Variants in KLHL2 observed in about 807,000 individuals in gnomAD.
KLHL2 encodes kelch-like protein 2.
KLHL2 carries 15 observed loss-of-function variants against 75.8 expected under a neutral mutation model. The observed-to-expected ratio is 0.20, with a 90% CI of 0.13 to 0.30. The LOEUF (loss-of-function observed/expected upper bound fraction) is 0.30. KLHL2 is among the 10% of genes least tolerant of loss of function. The pLI is 1.00. For synonymous variants in KLHL2, 214 were observed against 251.9 expected (o/e 0.85, Z 1.42); for missense variants, 381 against 741.0 (o/e 0.51, Z 5.64).
intron 4 of KLHL2, among the ~76,000 whole-genome samples, chr4:165,261,851 A>G (rs956739557): frequency 2.0e-5 from 3 of 152,084 alleles, no homozygotes; most frequent in African/African-American, 7.2e-5. Context: ...ATAAACCACT[A>G]TTATTTTTCT....
At chr4:165,209,924 C>T (rs918316970) in intron 1 of KLHL2, 4 of 1,162,988 alleles carry the variant, frequency 3.4e-6, no homozygotes, top group Admixed American at 5.9e-5. Context: ...GGCCTGTTTG[C>T]CTCCACTCCC....
intron 10 of KLHL2, 90 bp from the exon 11 acceptor site, chr4:165,311,374 C>T: frequency 1.2e-6 from 1 of 836,300 alleles, no homozygotes; most frequent in Non-Finnish European, 1.9e-6. Flanking sequence ...AATTTTAGCC[C>T]AGTATAACAT....
chr4:165,290,838 G>A (rs527243118), intron 5 of KLHL2, among the ~76,000 whole-genome samples: 1 of 152,090 alleles, frequency 6.6e-6, no homozygotes, highest in Non-Finnish European at 1.5e-5. Flanking sequence ...GAGGTGGCAG[G>A]TGCCTGTAAT....
At chr4:165,254,155 G>T (rs1249926853) in intron 4 of KLHL2, among the ~76,000 whole-genome samples, 2 of 152,242 alleles carry the variant, frequency 1.3e-5, no homozygotes, top group Non-Finnish European at 2.9e-5. Flanking sequence ...GATCAGAGGA[G>T]CTTGTTGTCC....
At chr4:165,226,121 A>T (rs1738411491) in intron 2 of KLHL2, among the ~76,000 whole-genome samples, 1 of 152,196 alleles carries the variant, frequency 6.6e-6, no homozygotes, top group Admixed American at 6.5e-5. Context: ...TGACAAAAGG[A>T]AAATAGGCAT....
chr4:165,276,247 A>G (rs1422341347), intron 5 of KLHL2, among the ~76,000 whole-genome samples: 3 of 152,150 alleles, frequency 2.0e-5, no homozygotes, highest in Admixed American at 6.5e-5. Context: ...GGTAGTAACT[A>G]CTTTACCCAG....
chr4:165,294,605 A>G (rs1289727692), intron 6 of KLHL2, 137 bp downstream of exon 6: 2 of 489,946 alleles, frequency 4.1e-6, no homozygotes, highest in Non-Finnish European at 7.3e-6. Flanking sequence ...TAAGAAACTC[A>G]GCTAGTTACT....
At chr4:165,216,813 C>T (rs763458823) in intron 1 of KLHL2, among the ~76,000 whole-genome samples, 9 of 152,100 alleles carry the variant, frequency 5.9e-5, no homozygotes, top group African/African-American at 1.9e-4. Context: ...AAGTGACTCT[C>T]GGTACAGAGA....
intron 5 of KLHL2, among the ~76,000 whole-genome samples, chr4:165,292,165 T>C (rs1369309313): frequency 6.6e-6 from 1 of 152,238 alleles, no homozygotes; most frequent in Non-Finnish European, 1.5e-5. Flanking sequence ...GATCCAACTG[T>C]ATTTGTCATT....
intron 1 of KLHL2, among the ~76,000 whole-genome samples, chr4:165,218,195 C>G (rs1241076148): frequency 6.6e-6 from 1 of 152,122 alleles, no homozygotes; most frequent in East Asian, 1.9e-4. Flanking sequence ...CAACCAGCAG[C>G]CAAAGTGGTC....
chr4:165,309,883 A>T (rs1354014388), intron 9 of KLHL2, among the ~76,000 whole-genome samples: 1 of 152,196 alleles, frequency 6.6e-6, no homozygotes, highest in Non-Finnish European at 1.5e-5. Flanking sequence ...TTTCATTCTA[A>T]GAATATCCAC....
At chr4:165,261,943 T>C (rs1159670011) in intron 4 of KLHL2, among the ~76,000 whole-genome samples, 1 of 152,212 alleles carries the variant, frequency 6.6e-6, no homozygotes, top group African/African-American at 2.4e-5. Flanking sequence ...TGTAGTCTTT[T>C]CTAAAATTTA....
At chr4:165,311,809 C>CTGTGTGTGTGTGTGTGTG (rs60870309) in intron 11 of KLHL2, among the ~76,000 whole-genome samples, 2 of 144,790 alleles carry the variant, frequency 1.4e-5, no homozygotes, top group Non-Finnish European at 1.5e-5. Flanking sequence ...TCCTTTCTCT[C>CTGTGTGTGTGTGTGTGTG]TGTGTGTGTG....
chr4:165,307,326 CAAAA>C (rs1193079402), intron 9 of KLHL2, among the ~76,000 whole-genome samples: 1 of 151,478 alleles, frequency 6.6e-6, no homozygotes, highest in Non-Finnish European at 1.5e-5. Context: ...AACAAACAAA[CAAAA>C]AAACAAAAAA....
At chr4:165,289,877 G>A (rs1013689512) in intron 5 of KLHL2, among the ~76,000 whole-genome samples, 2 of 152,118 alleles carry the variant, frequency 1.3e-5, no homozygotes, top group Admixed American at 1.3e-4. Flanking sequence ...CTCATGAAAA[G>A]CATAAGGCGG....
chr4:165,251,776 A>T (rs1050747202), intron 4 of KLHL2, among the ~76,000 whole-genome samples: 2 of 151,172 alleles, frequency 1.3e-5, no homozygotes, highest in African/African-American at 2.4e-5. Context: ...CGCCCGGCTA[A>T]TTTTTTGTAT....
At chr4:165,210,828 A>T (rs1455270170) in intron 1 of KLHL2, among the ~76,000 whole-genome samples, 1 of 152,210 alleles carries the variant, frequency 6.6e-6, no homozygotes, top group East Asian at 1.9e-4. Context: ...TTGAAGGAAG[A>T]CTGTGAGGTA....
rs866881412 is a variant in KLHL2, at chr4:165,264,605, T to C, written c.544+1246T>C. Among the ~76,000 whole-genome samples the C allele has an allele frequency of 3.3e-3, 404 of 124,076 alleles. 1 individual carries two copies. The highest frequency in any genetic ancestry group is 5.2e-3 in the East Asian group (24 of 4,656). 81.4% of individuals were successfully genotyped at this position (124,076 alleles called of 152,430 possible). A position where few individuals can be genotyped will look rare whatever the true frequency, so the allele number is the denominator to read the frequency against. On this transcript the variant is annotated intron_variant, in intron 5 of 14. Coordinates refer to ENST00000226725, the MANE Select transcript of KLHL2 (RefSeq NM_007246.4). The stretch of plus-strand genomic sequence containing the variant: ...TCCATCATATATATATATATATATA[T>C]ACACACACACACGTACGTATATACA...
chr4:165,259,792 A>C (rs1741495092), intron 4 of KLHL2, among the ~76,000 whole-genome samples: 2 of 152,246 alleles, frequency 1.3e-5, no homozygotes, highest in Non-Finnish European at 1.5e-5. Flanking sequence ...GTATTAGAAC[A>C]GTAGACCAAA....
Sources: allele counts gnomAD v4.1 joint callset (sites outside exome capture counted in the v4.1 genomes callset), GRCh38; gene constraint gnomAD v4.1.1; transcripts MANE v1.5; gene names NCBI Gene and HGNC (gene_info 2026-07-23, HGNC 2026-07-21).